The following MED23 variants were observed in gnomAD, a reference collection of about 807,000 sequenced individuals.
MED23 encodes the protein mediator complex subunit 23.
Under a neutral mutation model 163.9 loss-of-function variants are expected in MED23, and 105 were observed. That is an observed-to-expected ratio of 0.64 (90% CI 0.55 to 0.75). MED23 has a LOEUF of 0.75. Among genes scored for constraint, MED23 ranks in the 30% least tolerant of loss-of-function variants. The pLI is 0.00. For synonymous variants in MED23, 561 were observed against 565.6 expected (o/e 0.99, Z 0.12); for missense variants, 1,054 against 1,649.0 (o/e 0.64, Z 6.25).
At chr6:131,615,275 C>A (rs368499376) in intron 10 of MED23, 8 of 1,599,242 alleles carry the variant, frequency 5.0e-6, no homozygotes, top group Non-Finnish European at 6.8e-6. Context: ...GGCTACAAAG[C>A]GGCCAGCGTA....
rs112151960 is a variant in MED23 at position 131,608,248 on chromosome 6, G to A, written c.1078-177C>T. 5.5e-3 allele frequency among the ~76,000 whole-genome samples: 841 copies of A among 152,148 alleles called. 11 individuals carry two copies. The highest frequency in any genetic ancestry group is 0.019 in the African/African-American group (803 of 41,506). On this transcript the variant is annotated intron_variant, in intron 11 of 28. Transcript: ENST00000368068. ...TTAGTCTCAATTCAAGACACACCAT[G>A]CAAAACCTGCTAAATTATTTTAATA...
chr6:131,603,118 T>C lies in MED23; in HGVS notation c.1843A>G (p.Ile615Val), dbSNP rs1775606781. The C allele has an allele frequency of 1.2e-6, 2 of 1,613,824 alleles. No individual in the cohort carries two copies. The highest frequency in any genetic ancestry group is 1.7e-6 in the Non-Finnish European group (2 of 1,179,892). The change falls in exon 16 of 29, where the codon ATT becomes GTT. Residue 615 changes from isoleucine to valine, a missense_variant. Ile to Val is a conservative substitution (Grantham distance 29). This residue lies in a region of MED23 where 228 missense variants were observed against 461.3 expected (regional missense o/e 0.49). Transcript: ENST00000368068. The stretch of plus-strand genomic sequence containing the variant: ...AGCTGAACTCTGTAATGAGGCTGAA[T>C]ATGATGCATCCGGTAGCTAAACATC... ...LEMFSYRMHH[I>V]QPHYRVQLLS...
chr6:131,600,170 T>A lies in MED23; in HGVS notation c.2096-8A>T. 6.3e-7 allele frequency: 1 copy of A among 1,598,818 alleles called. No homozygotes were observed. The highest frequency in any genetic ancestry group is 8.6e-7 in the Non-Finnish European group (1 of 1,166,402). On this transcript the variant is annotated splice_polypyrimidine_tract_variant and splice_region_variant and intron_variant, in intron 17 of 28. Coordinates refer to ENST00000368068, the MANE Select transcript of MED23 (RefSeq NM_004830.4). ...CAGAGCCTGTAAAAAAATCTAAACA[T>A]AAACAAATAGATGTAATCCAGATAT...
chr6:131,576,007 T>C (rs1434635638), intron 30 of MED23, among the ~76,000 whole-genome samples: 1 of 152,240 alleles, frequency 6.6e-6, no homozygotes, highest in African/African-American at 2.4e-5. Flanking sequence ...TCACACTCTT[T>C]CGATGCTTTT....
chr6:131,623,516 C>A, intron 4 of MED23, 54 bp from the exon 5 acceptor site: 1 of 1,377,084 alleles, frequency 7.3e-7, no homozygotes, highest in Non-Finnish European at 1.0e-6. Context: ...TCCAAGTTCT[C>A]TAATAGCCGC....
At chr6:131,607,673 T>C (rs1294916046) in intron 12 of MED23, among the ~76,000 whole-genome samples, 2 of 152,152 alleles carry the variant, frequency 1.3e-5, no homozygotes, top group Non-Finnish European at 2.9e-5. Context: ...GAGGCTCAAC[T>C]GTCAAAGAAA....
At position 131,574,108 on chromosome 6, in the gene MED23, G is replaced by A. The variant is rs1002381054; in HGVS notation, c.*185C>T. On this transcript the variant is annotated 3_prime_UTR_variant, in exon 31 of 31. Coordinates refer to the MED23 transcript ENST00000354577. ...ACACTTATTCTAGTAAAGAGAGTGT[G>A]ATGACAGAACACCTTAGACTTCAAC... 17 of 727,564 alleles carry A rather than the reference G, an allele frequency of 2.3e-5. 1 individual carries two copies. Among genetic ancestry groups the A allele is most frequent in the Admixed American group, 1.9e-4 (9 of 48,150 alleles). The allele number at this position is 727,564 out of a possible 1,614,324, so 45.1% of individuals were successfully genotyped here.
Position 131,598,278 on chromosome 6 carries a change from T to G in MED23, c.2607+9A>C. 6.2e-7 allele frequency: 1 copy of G among 1,609,776 alleles called. No individual in the cohort carries two copies. Among genetic ancestry groups the G allele is most frequent in the African/African-American group, 1.3e-5 (1 of 74,946 alleles). On this transcript the variant is annotated intron_variant, in intron 20 of 28. Coordinates refer to ENST00000368068, the MANE Select transcript of MED23 (RefSeq NM_004830.4). The surrounding 1 kb of genome is among the most constrained non-coding windows in gnomAD (Gnocchi z 4.7). Reference sequence around the variant, plus strand: ...AAGAGAATAAGCTTAGAAATGTATTTATTCTTACCAGGCAGAGAATTAATC... The same window carrying G: ...AAGAGAATAAGCTTAGAAATGTATTGATTCTTACCAGGCAGAGAATTAATC...
intron 21 of MED23, 100 bp from the exon 22 acceptor site, chr6:131,596,263 G>C (rs1014246085): frequency 1.7e-6 from 2 of 1,146,662 alleles, no homozygotes; most frequent in Non-Finnish European, 2.6e-6. Context: ...TTTTTGCAAG[G>C]AAACATTTAA....
At chr6:131,584,782 T>C (rs1384502203), downstream of MED23, among the ~76,000 whole-genome samples, 2 of 149,958 alleles carry the variant, frequency 1.3e-5, no homozygotes, top group Non-Finnish European at 3.0e-5. Flanking sequence ...GTGACCAGCC[T>C]GGCAACATGG....
chr6:131,587,837 T>C lies in MED23; in HGVS notation c.3949A>G (p.Ile1317Val), dbSNP rs1675709867. ...AAAGCTGGTTTTAAGTTACAGATAA[T>C]CTTCTCTACCTAAGAAATAAAAACA... Reference protein sequence around the residue: ...GDSVKEQVEKIICNLKPALKL... With the variant: ...GDSVKEQVEKVICNLKPALKL... The change falls in exon 29 of 29, where the codon ATT becomes GTT. Residue 1317 changes from isoleucine (I) to valine (V), a missense_variant. Around this residue, in one of 11 missense-constraint regions of MED23, gnomAD observed 362 missense variants for 471.6 expected, o/e 0.77. Transcript: ENST00000368068. 6.2e-7 allele frequency: 1 copy of C among 1,612,722 alleles called. No individual in the cohort carries two copies. The highest frequency in any genetic ancestry group is 1.3e-5 in the African/African-American group (1 of 74,904).
intron 18 of MED23, 49 bp downstream of exon 18, chr6:131,599,989 G>A (rs1775347085): frequency 2.5e-6 from 4 of 1,604,620 alleles, no homozygotes; most frequent in Non-Finnish European, 1.7e-6. Context: ...ATTGTGAATG[G>A]GAAGAAGGAT....
At position 131,593,039 on chromosome 6, in the gene MED23, A is replaced by T; in HGVS notation, c.3365T>A (p.Val1122Asp). ...GACAACATTTAGAAGGGCATTCCCA[A>T]CTTCTTTGCCTGAAACTGCCAAGGC... ...LMALAVSGKE[V>D]GNALLNVVLK... The change falls in exon 24 of 29, where the codon GTT becomes GAT. Residue 1122 changes from valine to aspartate, a missense_variant. By Grantham distance (152) the Val-to-Asp change is radical. Coordinates refer to ENST00000368068, the MANE Select transcript of MED23 (RefSeq NM_004830.4). 6.2e-7 allele frequency: 1 copy of T among 1,614,232 alleles called. No individual in the cohort carries two copies. The highest frequency in any genetic ancestry group is 8.5e-7 in the Non-Finnish European group (1 of 1,180,034).
At chr6:131,611,452 C>T (rs982366797) in intron 10 of MED23, among the ~76,000 whole-genome samples, 2 of 152,080 alleles carry the variant, frequency 1.3e-5, no homozygotes, top group Non-Finnish European at 2.9e-5. Flanking sequence ...AATCACATTA[C>T]AGGTTTACAA....
intron 6 of MED23, among the ~76,000 whole-genome samples, chr6:131,620,975 T>C (rs1225905074): frequency 6.6e-6 from 1 of 152,068 alleles, no homozygotes; most frequent in African/African-American, 2.4e-5. Context: ...GCTAACTTTT[T>C]AATTTTTTGT....
chr6:131,611,757 G>A (rs1024552089), intron 10 of MED23, among the ~76,000 whole-genome samples: 25 of 152,026 alleles, frequency 1.6e-4, no homozygotes, highest in African/African-American at 6.0e-4. Context: ...ACTAGTGATG[G>A]GAATTTGCTT....
chr6:131,613,844 T>C (rs1323616368), intron 10 of MED23, among the ~76,000 whole-genome samples: 1 of 111,640 alleles, frequency 9.0e-6, no homozygotes, highest in Non-Finnish European at 2.1e-5. Context: ...ATACTCTCAA[T>C]TGTTTTGTCA....
At position 131,581,281 on chromosome 6, in the gene MED23, T is replaced by G. The variant is rs913575060; in HGVS notation, c.4095+6428A>C. On this transcript the variant is annotated intron_variant, in intron 30 of 30. Coordinates refer to the MED23 transcript ENST00000354577. ...CACCCTGATCTTGGAGTCATCTGGG[T>G]GGATGCTCACACTGATATCAACACT... is the stretch of plus-strand genomic sequence containing the variant. 1.9e-6 allele frequency: 3 copies of G among 1,613,774 alleles called. No homozygotes were observed. Among genetic ancestry groups the G allele is most frequent in the Non-Finnish European group, 2.5e-6 (3 of 1,179,840 alleles).
At chr6:131,608,244 C>A (rs1173660398) in intron 11 of MED23, among the ~76,000 whole-genome samples, 173 bp from the exon 12 acceptor site, 1 of 152,070 alleles carries the variant, frequency 6.6e-6, no homozygotes, top group Non-Finnish European at 1.5e-5. Flanking sequence ...TCAAGACACA[C>A]CATGCAAAAC....
Sources: allele counts gnomAD v4.1 joint callset (sites outside exome capture counted in the v4.1 genomes callset), GRCh38; gene constraint gnomAD v4.1.1; regional missense constraint gnomAD v4.1.1; non-coding constraint Gnocchi (gnomAD v3.1); transcripts MANE v1.5; gene names NCBI Gene and HGNC (gene_info 2026-07-23, HGNC 2026-07-21).